CLEC2A: variants seen among roughly 807,000 people sequenced by gnomAD.
CLEC2A encodes the protein C-type lectin domain family 2 member A.
A neutral mutation model predicts 18.6 loss-of-function variants in CLEC2A; 19 were observed. The ratio of observed to expected loss-of-function variants is 1.02; its 90% CI spans 0.71 to 1.50. The LOEUF (loss-of-function observed/expected upper bound fraction) is 1.50. Ranked by LOEUF, CLEC2A falls within the 40% of genes most tolerant of loss-of-function variation. The pLI is 0.00. For synonymous variants in CLEC2A, 74 were observed against 64.0 expected, an observed-to-expected ratio of 1.16 and a Z score of -0.75; for missense variants, 190 against 207.9, an observed-to-expected ratio of 0.91 and a Z score of 0.53.
chr12:9,888,980 C>A, the CLEC2A span, among the ~76,000 whole-genome samples: 3 of 151,910 alleles, frequency 2.0e-5, no homozygotes, highest in Non-Finnish European at 2.9e-5. Flanking sequence ...GTGGTGATTT[C>A]TAGGAGGAAA....
chr12:9,886,103 C>T, the CLEC2A span, among the ~76,000 whole-genome samples: 13 of 152,032 alleles, frequency 8.6e-5, no homozygotes, highest in Middle Eastern at 6.8e-3. Context: ...TAAAGAAAAA[C>T]GCTATTGAGA....
At chr12:9,893,536 A>G in the CLEC2A span, 20 of 1,376,142 alleles carry the variant, frequency 1.5e-5, no homozygotes, top group Non-Finnish European at 2.0e-5. Context: ...TTTTAGTTCC[A>G]GAATTGTGAG....
downstream of CLEC2A, chr12:9,895,627 C>T (rs1316048494): frequency 7.0e-7 from 1 of 1,433,016 alleles, no homozygotes; most frequent in South Asian, 1.4e-5. Context: ...CTGGAGAAAA[C>T]TTTAAAAGAT....
At chr12:9,881,015 G>C in the CLEC2A span, among the ~76,000 whole-genome samples, 1 of 152,250 alleles carries the variant, frequency 6.6e-6, no homozygotes, top group East Asian at 1.9e-4. Flanking sequence ...AAACAAAAAA[G>C]TTTAAAAAGT....
intron 4 of CLEC2A, among the ~76,000 whole-genome samples, chr12:9,905,002 A>G (rs1862887191): frequency 6.6e-6 from 1 of 152,182 alleles, no homozygotes; most frequent in African/African-American, 2.4e-5. Flanking sequence ...GCTGCCTTTG[A>G]GCTTGTTCAT....
chr12:9,932,246 T>G, intron 1 of CLEC2A, 29 bp downstream of exon 1: 1 of 1,459,554 alleles, frequency 6.9e-7, no homozygotes, highest in Non-Finnish European at 9.4e-7. Flanking sequence ...TTTCCTTTAC[T>G]TCCTTCTCAT....
At chr12:9,898,548 C>T (rs1862783489), downstream of CLEC2A, 1 of 182,884 alleles carries the variant, frequency 5.5e-6, no homozygotes, top group Admixed American at 6.0e-5. Flanking sequence ...CAGTGATTGG[C>T]ATTCTGTGTG....
chr12:9,884,844 A>G, the CLEC2A span: 1 of 428,804 alleles, frequency 2.3e-6, no homozygotes, highest in South Asian at 5.2e-5. Context: ...CATATCTAAA[A>G]TGAACATGAG....
the CLEC2A span, among the ~76,000 whole-genome samples, chr12:9,884,479 G>C: frequency 6.6e-6 from 1 of 151,140 alleles, no homozygotes; most frequent in African/African-American, 2.4e-5. Flanking sequence ...TTTCTTAGCA[G>C]TGAGTCACTA....
chr12:9,916,614 G>T, intron 4 of CLEC2A, 86 bp downstream of exon 4: 1 of 887,118 alleles, frequency 1.1e-6, no homozygotes, highest in Non-Finnish European at 1.8e-6. Context: ...AGAAAGATTT[G>T]TTTATAATAA....
At chr12:9,888,849 G>T in the CLEC2A span, 1 of 912,940 alleles carries the variant, frequency 1.1e-6, no homozygotes, top group Non-Finnish European at 1.7e-6. Context: ...CCTCTTCCTG[G>T]CGTTCACCCA....
Position 9,922,210 on chromosome 12 carries a change from TTTAGCATGCTTGGAC to T in CLEC2A, c.147_161del (p.Trp49_Lys54delinsTer). The T allele has an allele frequency of 1.9e-6, 3 of 1,547,382 alleles. No homozygotes were observed. The highest frequency in any genetic ancestry group is 2.6e-6 in the Non-Finnish European group (3 of 1,145,164). On this transcript the variant is annotated stop_gained and inframe_deletion, in exon 3 of 5. Transcript: ENST00000455827. LOFTEE classifies it high-confidence loss of function. ...GCCAGTCCCCTGAACATGCCACAGG[TTTAGCATGCTTGGAC>T]CATGTGGCTGAAAAAAAAAGAAAGA...
In CLEC2A at chr12:9,926,307, A is replaced by G; in HGVS notation, c.92T>C (p.Met31Thr). 1.3e-6 allele frequency: 2 copies of G among 1,550,126 alleles called. No homozygotes were observed. The highest frequency in any genetic ancestry group is 2.4e-5 in the East Asian group (1 of 40,864). The change falls in exon 2 of 5, where the codon ATG (methionine) becomes ACG (threonine). Residue 31 changes from methionine to threonine, a missense_variant. Coordinates refer to ENST00000455827, the MANE Select transcript of CLEC2A (RefSeq NM_001130711.2). The stretch of plus-strand genomic sequence containing the variant: ...AGTAATAATAATACTCAGGAAGCAC[A>G]TAAGGCCAATCTTCCAGTTTTGTAT... ...KLIQNWKIGL[M>T]CFLSIIITTV...
At chr12:9,911,192 A>G (rs112944242), downstream of CLEC2A, among the ~76,000 whole-genome samples, 226 of 152,272 alleles carry the variant, frequency 1.5e-3, no homozygotes, top group African/African-American at 5.3e-3. Flanking sequence ...AGGAGGGAAG[A>G]GAAGAGGGCC....
At position 9,902,023 on chromosome 12, in the gene CLEC2A, T is replaced by C. The variant is rs116975418; in HGVS notation, c.411-3047A>G. 1.7e-3 allele frequency among the ~76,000 whole-genome samples: 255 copies of C among 152,318 alleles called. 2 individuals carry two copies. The East Asian group carries it at 0.02, about 12-fold the overall frequency. ...GAACCTTCAGCTTTTTCCTATTTTA[T>C]CTCAAAACAATCCTTTATCCCGAGG... is the stretch of plus-strand genomic sequence containing the variant. On this transcript the variant is annotated intron_variant, in intron 4 of 4. Transcript: ENST00000339766.
At chr12:9,917,112 TATATAA>T (rs1591792006) in intron 3 of CLEC2A, among the ~76,000 whole-genome samples, 2 of 152,252 alleles carry the variant, frequency 1.3e-5, no homozygotes, top group Admixed American at 1.3e-4. Context: ...AACTAACTTC[TATATAA>T]ATATAATTTA....
intron 3 of CLEC2A, among the ~76,000 whole-genome samples, chr12:9,920,101 G>A (rs1273577636): frequency 6.6e-6 from 1 of 152,170 alleles, no homozygotes; most frequent in Non-Finnish European, 1.5e-5. Flanking sequence ...TTTCAGGGAG[G>A]TGCAATGCTG....
chr12:9,929,076 G>A (rs941489379), intron 1 of CLEC2A, among the ~76,000 whole-genome samples: 17 of 151,974 alleles, frequency 1.1e-4, no homozygotes, highest in Non-Finnish European at 2.2e-4. Flanking sequence ...AACACTTCTA[G>A]TATACAGAAA....
At chr12:9,881,607 A>T in the CLEC2A span, 1 of 1,534,036 alleles carries the variant, frequency 6.5e-7, no homozygotes, top group Admixed American at 2.0e-5. Flanking sequence ...TGGAGAATGA[A>T]GATGGGTATA....
Sources: gnomAD v4.1 joint callset for allele counts (sites outside exome capture counted in the v4.1 genomes callset) on GRCh38, gnomAD v4.1.1 for gene constraint, MANE v1.5 for transcripts, NCBI Gene and HGNC (gene_info 2026-07-23, HGNC 2026-07-21) for gene names.